The following ABCC4 variants were observed in gnomAD, a reference collection of about 807,000 sequenced individuals.
The protein encoded by ABCC4 is ATP-binding cassette sub-family C member 4.
Under a neutral mutation model 168.5 loss-of-function variants are expected in ABCC4, and 102 were observed. The ratio of observed to expected loss-of-function variants is 0.61; its 90% CI spans 0.52 to 0.71. ABCC4 has a LOEUF of 0.71. Among genes scored for constraint, ABCC4 ranks in the 30% least tolerant of loss-of-function variants. ABCC4 has a pLI of 0.00. For missense variants in ABCC4, 1,402 were observed against 1,605.8 expected (o/e 0.87, Z 2.17); for synonymous variants, 617 against 590.7 (o/e 1.04, Z -0.65).
chr13:95,050,784 G>A (rs760415439), intron 27 of ABCC4, among the ~76,000 whole-genome samples: 22 of 152,176 alleles, frequency 1.4e-4, no homozygotes, highest in Non-Finnish European at 2.8e-4. Flanking sequence ...AATGAAATAA[G>A]TATGAGTTAC....
chr13:95,161,871 T>A (rs1230229218), intron 18 of ABCC4: 4 of 152,180 alleles, frequency 2.6e-5, no homozygotes, highest in Non-Finnish European at 4.4e-5. Context: ...AAAACACAAA[T>A]TATATTTTAA....
At chr13:95,283,559 T>C (rs1402502163) in intron 1 of ABCC4, among the ~76,000 whole-genome samples, 3 of 151,952 alleles carry the variant, frequency 2.0e-5, no homozygotes, top group African/African-American at 4.8e-5. Flanking sequence ...CCTAACTTTA[T>C]ATTGCAGCCA....
At chr13:95,030,060 G>C (rs550154895) in intron 30 of ABCC4, among the ~76,000 whole-genome samples, 1 of 151,764 alleles carries the variant, frequency 6.6e-6, no homozygotes, top group South Asian at 2.1e-4. Flanking sequence ...TTGCTCTGCC[G>C]CCCAGGCTAG....
At chr13:95,138,234 GA>G (rs2036202042) in intron 19 of ABCC4, among the ~76,000 whole-genome samples, 1 of 152,078 alleles carries the variant, frequency 6.6e-6, no homozygotes, top group Admixed American at 6.5e-5. Context: ...TTATTTATAA[GA>G]AAATAAACCC....
Position 95,175,721 on chromosome 13 carries a change from G to A in ABCC4, c.1727+1986C>T, listed in dbSNP as rs181762969. On this transcript the variant is annotated intron_variant, in intron 13 of 30. Coordinates refer to ENST00000645237, the MANE Select transcript of ABCC4 (RefSeq NM_005845.5). Reference sequence around the variant, plus strand: ...AGGAGATTTGGATACAGAGACACAAGGAGAAAAGGGTGAGAAGGCAGCCAT... The same window carrying A: ...AGGAGATTTGGATACAGAGACACAAAGAGAAAAGGGTGAGAAGGCAGCCAT... Among the ~76,000 whole-genome samples, 1,395 of 152,342 alleles carry A rather than the reference G, an allele frequency of 9.2e-3. 11 individuals are homozygous for A. Among genetic ancestry groups the A allele is most frequent in the Non-Finnish European group, 0.016 (1,082 of 68,038 alleles).
At chr13:95,229,238 T>C (rs887120208) in intron 4 of ABCC4, among the ~76,000 whole-genome samples, 1 of 152,172 alleles carries the variant, frequency 6.6e-6, no homozygotes, top group African/African-American at 2.4e-5. Context: ...CATATATTCT[T>C]CTAGGGCAGA....
chr13:95,054,925 TAGAAGGCAGAC>T (rs1464409639), intron 26 of ABCC4, among the ~76,000 whole-genome samples: 2 of 152,178 alleles, frequency 1.3e-5, no homozygotes, highest in Non-Finnish European at 2.9e-5. Flanking sequence ...GAAATGGATG[TAGAAGGCAGAC>T]AGGGTGCCAC....
intron 3 of ABCC4, among the ~76,000 whole-genome samples, chr13:95,240,041 T>C (rs9561817): frequency 0.83 from 126,957 of 152,140 alleles, 53,974 homozygotes; most frequent in Non-Finnish European, 0.92. Context: ...CAAAGTACTC[T>C]TGCCAAAGGG....
chr13:95,106,754 G>C (rs1270337401), intron 20 of ABCC4, among the ~76,000 whole-genome samples: 3 of 104,600 alleles, frequency 2.9e-5, no homozygotes, highest in Admixed American at 2.2e-4. Flanking sequence ...ACACAGGATA[G>C]TAGGGTTGTG....
chr13:95,273,380 C>T (rs2040890673), intron 1 of ABCC4, among the ~76,000 whole-genome samples: 1 of 152,132 alleles, frequency 6.6e-6, no homozygotes, highest in Non-Finnish European at 1.5e-5. Flanking sequence ...CAAATAACAC[C>T]CTCTAGGCCA....
At chr13:95,184,812 G>A (rs2038007782) in intron 11 of ABCC4, among the ~76,000 whole-genome samples, 1 of 152,196 alleles carries the variant, frequency 6.6e-6, no homozygotes, top group African/African-American at 2.4e-5. Flanking sequence ...TATCTCCGGG[G>A]CCTGGTCCAT....
intron 1 of ABCC4, among the ~76,000 whole-genome samples, 165 bp from the exon 2 acceptor site, chr13:95,247,918 G>GCACA (rs34133084): frequency 2.8e-5 from 4 of 142,654 alleles, no homozygotes; most frequent in African/African-American, 8.3e-5. Context: ...GTTAACATGT[G>GCACA]CACACACACA....
intron 1 of ABCC4, among the ~76,000 whole-genome samples, chr13:95,279,846 C>T (rs76376614): frequency 0.046 from 7,061 of 152,196 alleles, 224 homozygotes; most frequent in Non-Finnish European, 0.065. Flanking sequence ...CCACAGGGCC[C>T]CCCAGGAACA....
chr13:95,277,578 CA>C (rs5805920), intron 1 of ABCC4, among the ~76,000 whole-genome samples: 103,114 of 131,428 alleles, frequency 0.78, 40,635 homozygotes, highest in Non-Finnish European at 0.87. Context: ...TGAGACTTCT[CA>C]AAAAAAAAAA....
chr13:95,040,587 T>C (rs757300187), intron 29 of ABCC4, among the ~76,000 whole-genome samples: 1 of 152,224 alleles, frequency 6.6e-6, no homozygotes, highest in Non-Finnish European at 1.5e-5. Flanking sequence ...CTGAACACTT[T>C]AATTAAATGT....
Position 95,194,866 on chromosome 13 carries a change from A to G in ABCC4, c.1233T>C (p.His411=), listed in dbSNP as rs2038366656. 1 of 1,614,186 alleles carries G rather than the reference A, an allele frequency of 6.2e-7. No homozygotes were observed. Among genetic ancestry groups the G allele is most frequent in the East Asian group, 2.2e-5 (1 of 44,878 alleles). ...QLPSDGKKMV[H]VQDFTAFWDK... is the part of the protein sequence containing the mutation. ...CCCAAAAAGCAGTAAAATCCTGCAC[A>G]TGCACCATCTTTTTACCATCTGACG... Residue 411 remains histidine (H), a synonymous_variant, in exon 9 of 31, where the codon CAT becomes CAC. Transcript: ENST00000645237.
chr13:95,090,345 G>A (rs1310446887), intron 20 of ABCC4, among the ~76,000 whole-genome samples: 6 of 152,156 alleles, frequency 3.9e-5, no homozygotes. Context: ...CCAAAGCTAA[G>A]AACCGTCACA....
At chr13:95,232,691 A>T (rs9561812) in intron 4 of ABCC4, among the ~76,000 whole-genome samples, 5 of 150,222 alleles carry the variant, frequency 3.3e-5, no homozygotes, top group African/African-American at 7.5e-5. Flanking sequence ...AAAAAAAAAA[A>T]TTTAAATGGC....
intron 4 of ABCC4, among the ~76,000 whole-genome samples, chr13:95,219,001 A>AAAAAGAG (rs138648398): frequency 1.7e-5 from 2 of 115,680 alleles, no homozygotes; most frequent in East Asian, 3.0e-4. Context: ...GAAAGAAAGA[A>AAAAAGAG]AGAGTGAGAA....
Sources: gnomAD v4.1 joint callset for allele counts (sites outside exome capture counted in the v4.1 genomes callset) on GRCh38, gnomAD v4.1.1 for gene constraint, MANE v1.5 for transcripts, NCBI Gene and HGNC (gene_info 2026-07-23, HGNC 2026-07-21) for gene names.